COTL1: variants seen among roughly 807,000 people sequenced by gnomAD.
COTL1 encodes the protein coactosin like F-actin binding protein 1.
Under a neutral mutation model 16.5 loss-of-function variants are expected in COTL1, and 15 were observed. That is an observed-to-expected ratio of 0.91 (90% CI 0.61 to 1.40). The LOEUF is 1.40. Ranked by LOEUF, COTL1 falls within the 40% of genes most tolerant of loss-of-function variation. COTL1 has a pLI of 0.00. For missense variants in COTL1, 220 were observed against 201.5 expected (o/e 1.09, Z -0.56); for synonymous variants, 112 against 85.3 (o/e 1.31, Z -1.73).
intron 3 of COTL1, chr16:84,567,221 G>A (rs1349811373): frequency 2.7e-6 from 1 of 366,352 alleles, no homozygotes; most frequent in Non-Finnish European, 5.0e-6. Flanking sequence ...CGTGGGGATG[G>A]CCCGAGGAAG....
intron 2 of COTL1, among the ~76,000 whole-genome samples, chr16:84,612,483 G>A (rs1905353211): frequency 6.6e-6 from 1 of 152,170 alleles, no homozygotes; most frequent in Admixed American, 6.5e-5. Flanking sequence ...TGCTATCAGA[G>A]TAAAAATAAT....
intron 2 of COTL1, chr16:84,595,839 A>T (rs1904990627): frequency 6.6e-6 from 1 of 152,098 alleles, no homozygotes. Flanking sequence ...ATTTGTGAGT[A>T]CAGGTGTATA....
intron 3 of COTL1, among the ~76,000 whole-genome samples, chr16:84,579,856 G>C (rs543782074): frequency 6.6e-6 from 1 of 152,370 alleles, no homozygotes; most frequent in East Asian, 1.9e-4. Flanking sequence ...ACAGGGGCAA[G>C]ATGTAGAGTG....
chr16:84,608,488 A>G (rs890832975), intron 2 of COTL1, among the ~76,000 whole-genome samples: 22 of 152,262 alleles, frequency 1.4e-4, no homozygotes, highest in Non-Finnish European at 2.4e-4. Flanking sequence ...CACACAAAAA[A>G]GCTATGCAGC....
chr16:84,581,975 CTTCTTTTTTTTTTTTT>C (rs143759821), intron 3 of COTL1, among the ~76,000 whole-genome samples: 33,959 of 133,082 alleles, frequency 0.26, 3,986 homozygotes, highest in Non-Finnish European at 0.29. Flanking sequence ...AGATACATTT[CTTCTTTTTTTTTTTTT>C]TTTTTTTTTT....
At position 84,590,572 on chromosome 16, in the gene COTL1, A is replaced by T. The variant is rs954850924; in HGVS notation, c.161-310T>A. On this transcript the variant is annotated intron_variant, in intron 2 of 3. Coordinates refer to ENST00000262428, the MANE Select transcript of COTL1 (RefSeq NM_021149.5). The surrounding 1 kb of genome is among the most constrained non-coding windows in gnomAD (Gnocchi z 5.5). ...AATTCAAGGTCATGCTGGGATTTAA[A>T]CCCAGGCCTTTCTGGCTGCAACGCC... 9.0e-6 allele frequency: 2 copies of T among 222,240 alleles called. No homozygotes were observed. Among genetic ancestry groups the T allele is most frequent in the African/African-American group, 4.5e-5 (2 of 43,962 alleles). 13.8% of individuals were successfully genotyped at this position (222,240 alleles called of 1,614,324 possible).
chr16:84,613,460 A>C (rs2150698098), intron 2 of COTL1, among the ~76,000 whole-genome samples: 1 of 152,236 alleles, frequency 6.6e-6, no homozygotes, highest in African/African-American at 2.4e-5. Context: ...GAAATGTTAC[A>C]GTGTTGGGCT....
intron 3 of COTL1, among the ~76,000 whole-genome samples, chr16:84,573,080 C>T (rs1904368105): frequency 6.6e-6 from 1 of 152,186 alleles, no homozygotes; most frequent in African/African-American, 2.4e-5. Flanking sequence ...CTACTAGCCA[C>T]ATTGAAAAAT....
In COTL1 at chr16:84,590,907, G is replaced by A. The variant is rs926259901; in HGVS notation, c.161-645C>T. The stretch of plus-strand genomic sequence containing the variant: ...GGCTCTTAATTTGGCCCGGGATATG[G>A]CTCCGAGGATATTTCACTTATGACT... On this transcript the variant is annotated intron_variant, in intron 2 of 3. Coordinates refer to ENST00000262428, the MANE Select transcript of COTL1 (RefSeq NM_021149.5). This position sits in a 1 kb window ranked among gnomAD's most constrained non-coding sequence, Gnocchi z 5.5. Among the ~76,000 whole-genome samples, 4 of 152,084 alleles carry A rather than the reference G, an allele frequency of 2.6e-5. No individual in the cohort carries two copies. Among genetic ancestry groups the A allele is most frequent in the African/African-American group, 9.7e-5 (4 of 41,388 alleles).
At chr16:84,567,453 T>A (rs1036800866) in intron 3 of COTL1, 4 of 152,854 alleles carry the variant, frequency 2.6e-5, no homozygotes, top group African/African-American at 9.7e-5. Flanking sequence ...GTGGCTGACG[T>A]CAAGCTATCA....
intron 2 of COTL1, among the ~76,000 whole-genome samples, chr16:84,599,296 A>T: frequency 6.6e-6 from 1 of 152,244 alleles, no homozygotes; most frequent in East Asian, 1.9e-4. Context: ...CCGAGGAAGG[A>T]GGATCTGCTA....
At chr16:84,588,657 T>C (rs554876993) in intron 3 of COTL1, among the ~76,000 whole-genome samples, 65 of 152,046 alleles carry the variant, frequency 4.3e-4, no homozygotes, top group African/African-American at 1.5e-3. Flanking sequence ...ACTACCGGTA[T>C]GCACCACCAC....
At chr16:84,570,234 C>A (rs1363787633) in intron 3 of COTL1, among the ~76,000 whole-genome samples, 2 of 152,182 alleles carry the variant, frequency 1.3e-5, no homozygotes, top group South Asian at 2.1e-4. Flanking sequence ...CAAGATGGCG[C>A]CACTGCACTC....
intron 3 of COTL1, among the ~76,000 whole-genome samples, chr16:84,574,970 C>G (rs1904419195): frequency 6.6e-6 from 1 of 152,162 alleles, no homozygotes; most frequent in African/African-American, 2.4e-5. Context: ...GTCTAGCCAT[C>G]TATTTGCCAC....
chr16:84,585,684 C>T (rs1012219328), intron 3 of COTL1, among the ~76,000 whole-genome samples: 4 of 152,082 alleles, frequency 2.6e-5, no homozygotes, highest in African/African-American at 7.2e-5. Context: ...GATAGGCATG[C>T]CAGTCTCTGC....
At chr16:84,608,733 C>T (rs776301651) in intron 2 of COTL1, among the ~76,000 whole-genome samples, 3 of 152,168 alleles carry the variant, frequency 2.0e-5, no homozygotes, top group South Asian at 2.1e-4. Context: ...TAGTGAAACC[C>T]TGTCTCTACA....
intron 2 of COTL1, among the ~76,000 whole-genome samples, chr16:84,607,287 G>T (rs116800430): frequency 1.4e-4 from 21 of 152,286 alleles, no homozygotes; most frequent in African/African-American, 4.8e-4. Flanking sequence ...GATGAAGACA[G>T]TGCAGGCAGA....
rs563456495 is a variant in COTL1, at chr16:84,566,715, G to A, written c.*130C>T. On this transcript the variant is annotated 3_prime_UTR_variant, in exon 4 of 4. Transcript: ENST00000262428. Reference sequence around the variant, plus strand: ...AAGGTGGGGGCTGTGGACACAGGGTGGCGGGCGCTGCCTCTCATGGCTTCT... The same window carrying A: ...AAGGTGGGGGCTGTGGACACAGGGTAGCGGGCGCTGCCTCTCATGGCTTCT... 4.8e-6 allele frequency: 3 copies of A among 627,190 alleles called. No individual in the cohort carries two copies. Among genetic ancestry groups the A allele is most frequent in the East Asian group, 5.5e-5 (2 of 36,492 alleles). 38.9% of individuals were successfully genotyped at this position (627,190 alleles called of 1,614,324 possible). A position where few individuals can be genotyped will look rare whatever the true frequency, so the allele number is the denominator to read the frequency against.
chr16:84,605,248 G>T (rs1905188850), intron 2 of COTL1, among the ~76,000 whole-genome samples: 1 of 152,204 alleles, frequency 6.6e-6, no homozygotes, highest in Admixed American at 6.5e-5. Flanking sequence ...GGGGTGCAGG[G>T]GGTGTCAGGA....
Sources: gnomAD v4.1 joint callset for allele counts (sites outside exome capture counted in the v4.1 genomes callset) on GRCh38, gnomAD v4.1.1 for gene constraint, Gnocchi (gnomAD v3.1) non-coding constraint, MANE v1.5 for transcripts, NCBI Gene and HGNC (gene_info 2026-07-23, HGNC 2026-07-21) for gene names.